Variants in EXOC6B observed in about 807,000 individuals in gnomAD.
The protein encoded by EXOC6B is SEC15 homolog B.
EXOC6B carries 54 observed loss-of-function variants against 113.5 expected under a neutral mutation model. That is an observed-to-expected ratio of 0.48 (90% CI 0.38 to 0.60). The LOEUF (loss-of-function observed/expected upper bound fraction) is 0.60. Among genes scored for constraint, EXOC6B ranks in the 20% least tolerant of loss-of-function variants. EXOC6B has a pLI of 0.00. For synonymous variants in EXOC6B, 357 were observed against 339.0 expected, an observed-to-expected ratio of 1.05 and a Z score of -0.58; for missense variants, 797 against 977.5, an observed-to-expected ratio of 0.82 and a Z score of 2.46.
chr2:72,515,207 G>T, intron 8 of EXOC6B, 81 bp from the exon 9 acceptor site: 3 of 1,325,798 alleles, frequency 2.3e-6, no homozygotes, highest in Non-Finnish European at 3.2e-6. Flanking sequence ...AAGGTCCCAG[G>T]TCTGGAATTT....
At chr2:72,519,035 A>G (rs1279456461) in intron 8 of EXOC6B, among the ~76,000 whole-genome samples, 4 of 152,332 alleles carry the variant, frequency 2.6e-5, no homozygotes, top group African/African-American at 9.6e-5. Context: ...TGGAATAAAC[A>G]GTACATCATT....
intron 5 of EXOC6B, among the ~76,000 whole-genome samples, chr2:72,726,569 A>G (rs1027195559): frequency 6.6e-6 from 1 of 152,148 alleles, no homozygotes; most frequent in Non-Finnish European, 1.5e-5. Flanking sequence ...TTTCTCTTTA[A>G]TTTTTAAATT....
At chr2:72,521,110 T>G (rs945795939) in intron 8 of EXOC6B, among the ~76,000 whole-genome samples, 2 of 152,146 alleles carry the variant, frequency 1.3e-5, no homozygotes, top group Admixed American at 1.3e-4. Flanking sequence ...GGTAGGGCCC[T>G]CATGAATGGA....
intron 1 of EXOC6B, among the ~76,000 whole-genome samples, chr2:72,755,689 A>G (rs1373124317): frequency 6.6e-6 from 1 of 152,210 alleles, no homozygotes; most frequent in African/African-American, 2.4e-5. Context: ...GGAGGAGAGT[A>G]GTGTCTGGCA....
intron 1 of EXOC6B, among the ~76,000 whole-genome samples, chr2:72,812,348 G>T (rs1032123438): frequency 1.3e-5 from 2 of 152,160 alleles, no homozygotes; most frequent in Non-Finnish European, 2.9e-5. Flanking sequence ...AACCTTGTAT[G>T]CTAAATACAA....
chr2:72,540,689 T>C (rs1331069407), intron 8 of EXOC6B, among the ~76,000 whole-genome samples: 2 of 152,156 alleles, frequency 1.3e-5, no homozygotes, highest in East Asian at 3.9e-4. Flanking sequence ...AGAACAGGGA[T>C]AAGCAAACCA....
chr2:72,357,854 G>A (rs1690063475), intron 19 of EXOC6B, among the ~76,000 whole-genome samples: 5 of 152,056 alleles, frequency 3.3e-5, no homozygotes, highest in Admixed American at 3.3e-4. Flanking sequence ...TATTATACAT[G>A]CTGTACAGGT....
At chr2:72,375,815 G>A (rs1473712132) in intron 19 of EXOC6B, among the ~76,000 whole-genome samples, 1 of 152,198 alleles carries the variant, frequency 6.6e-6, no homozygotes, top group Non-Finnish European at 1.5e-5. Flanking sequence ...AGGTGGAAAT[G>A]AGAAAGCTAG....
intron 6 of EXOC6B, among the ~76,000 whole-genome samples, chr2:72,628,338 A>G (rs544673721): frequency 5.3e-5 from 8 of 152,154 alleles, no homozygotes. Context: ...TGTGTTGCTC[A>G]TACTGGTCTC....
intron 20 of EXOC6B, among the ~76,000 whole-genome samples, chr2:72,211,675 A>C (rs1192778364): frequency 6.6e-6 from 1 of 152,192 alleles, no homozygotes; most frequent in Non-Finnish European, 1.5e-5. Context: ...ATGATTTTTA[A>C]CATACATCTC....
intron 20 of EXOC6B, among the ~76,000 whole-genome samples, chr2:72,314,121 T>G (rs958224699): frequency 2.0e-5 from 3 of 152,170 alleles, no homozygotes; most frequent in African/African-American, 7.2e-5. Flanking sequence ...TACCCTAACT[T>G]AAGGCTGTGC....
At chr2:72,182,178 C>T (rs1250093308) in intron 21 of EXOC6B, among the ~76,000 whole-genome samples, 1 of 152,114 alleles carries the variant, frequency 6.6e-6, no homozygotes, top group Non-Finnish European at 1.5e-5. Flanking sequence ...CTTCTGATTG[C>T]TAGGGCTAAG....
intron 21 of EXOC6B, among the ~76,000 whole-genome samples, chr2:72,180,028 T>C (rs1210191806): frequency 1.3e-5 from 2 of 152,218 alleles, no homozygotes; most frequent in Non-Finnish European, 2.9e-5. Flanking sequence ...TTGACTGACC[T>C]TTTTCCTTTC....
intron 18 of EXOC6B, among the ~76,000 whole-genome samples, chr2:72,443,565 A>G (rs370775787): frequency 2.0e-5 from 3 of 152,288 alleles, no homozygotes; most frequent in South Asian, 4.1e-4. Flanking sequence ...GCTGCTGATA[A>G]AAACATACCT....
intron 20 of EXOC6B, among the ~76,000 whole-genome samples, chr2:72,243,061 A>G (rs896515024): frequency 1.5e-4 from 23 of 152,166 alleles, no homozygotes; most frequent in Admixed American, 9.8e-4. Context: ...CACAGGTTGT[A>G]TCAGTCTGTT....
At chr2:72,708,344 T>C (rs1036758957) in intron 6 of EXOC6B, among the ~76,000 whole-genome samples, 24 of 152,196 alleles carry the variant, frequency 1.6e-4, no homozygotes, top group Admixed American at 1.6e-3. Flanking sequence ...GATGATCTTT[T>C]AGTAACAGAA....
intron 20 of EXOC6B, among the ~76,000 whole-genome samples, chr2:72,274,474 G>A (rs1487901022): frequency 6.6e-6 from 1 of 152,118 alleles, no homozygotes; most frequent in Non-Finnish European, 1.5e-5. Context: ...GAGATAAGGA[G>A]CCTGGGTTAC....
chr2:72,401,019 A>G (rs1294657688), intron 18 of EXOC6B, among the ~76,000 whole-genome samples: 2 of 152,092 alleles, frequency 1.3e-5, no homozygotes, highest in African/African-American at 4.8e-5. Context: ...TATTCATAAT[A>G]GCAAAGATAA....
intron 20 of EXOC6B, among the ~76,000 whole-genome samples, chr2:72,202,517 T>C (rs1679551756): frequency 6.6e-6 from 1 of 152,214 alleles, no homozygotes; most frequent in Non-Finnish European, 1.5e-5. Context: ...TTAGCATTTA[T>C]CCACATGGCT....
Sources: gnomAD v4.1 joint callset for allele counts (sites outside exome capture counted in the v4.1 genomes callset) on GRCh38, gnomAD v4.1.1 for gene constraint, MANE v1.5 for transcripts, NCBI Gene and HGNC (gene_info 2026-07-23, HGNC 2026-07-21) for gene names.